The following HERC3 variants were observed in gnomAD, a reference collection of about 807,000 sequenced individuals.
The protein encoded by HERC3 is probable E3 ubiquitin-protein ligase HERC3.
In HERC3, 58 loss-of-function variants were observed where a neutral mutation model predicts 129.9. The observed-to-expected ratio is 0.45, with a 90% confidence interval of 0.36 to 0.56. The LOEUF (loss-of-function observed/expected upper bound fraction) is 0.56. HERC3 is among the 20% of genes least tolerant of loss of function. The probability of loss-of-function intolerance (pLI) is 0.00; values close to 1 mark genes in which losing one functional copy is unlikely to be tolerated. For synonymous variants in HERC3, 430 were observed against 451.0 expected, an observed-to-expected ratio of 0.95 and a Z score of 0.59; for missense variants, 835 against 1,244.2, an observed-to-expected ratio of 0.67 and a Z score of 4.95.
At chr4:88,695,489 T>C (rs1393113525) in intron 23 of HERC3, among the ~76,000 whole-genome samples, 1 of 152,200 alleles carries the variant, frequency 6.6e-6, no homozygotes, top group Non-Finnish European at 1.5e-5. Context: ...CCTGATATTA[T>C]ATTGAGGAAA....
chr4:88,678,054 G>A lies in HERC3; in HGVS notation c.2116G>A (p.Val706Ile), dbSNP rs1005739636. The A allele has an allele frequency of 8.1e-6, 13 of 1,613,854 alleles. No homozygotes were observed. Among genetic ancestry groups the A allele is most frequent in the East Asian group, 2.2e-5 (1 of 44,894 alleles). ...LARSPFLVLH[V>I]RRNNLVGDAL... ...CAGAAGCCCCTTCCTGGTCCTTCAC[G>A]TTCGCAGGAACAACCTTGTTGGAGA... The change falls in exon 19 of 26, where the codon GTT (valine) becomes ATT (isoleucine). Residue 706 changes from valine to isoleucine, a missense_variant. Physicochemically the swap from Val to Ile is conservative, Grantham distance 29. Coordinates refer to ENST00000402738, the MANE Select transcript of HERC3 (RefSeq NM_014606.3).
At chr4:88,545,969 G>T in the HERC3 span, among the ~76,000 whole-genome samples, 1 of 152,076 alleles carries the variant, frequency 6.6e-6, no homozygotes, top group Non-Finnish European at 1.5e-5. Context: ...TTTAAGAAGA[G>T]ACTTCATTGC....
intron 1 of HERC3, chr4:88,593,604 C>T (rs1262027634): frequency 6.6e-6 from 1 of 152,156 alleles, no homozygotes; most frequent in Non-Finnish European, 1.5e-5. Flanking sequence ...CAGAGAAAAG[C>T]CTTCCAGGAT....
chr4:88,627,405 A>C (rs576060133), intron 3 of HERC3, among the ~76,000 whole-genome samples: 17 of 152,162 alleles, frequency 1.1e-4, no homozygotes, highest in Non-Finnish European at 2.2e-4. Flanking sequence ...ACATTATATT[A>C]GGTATTATAA....
At chr4:88,610,001 G>C (rs1337247770) in intron 3 of HERC3, among the ~76,000 whole-genome samples, 2 of 152,140 alleles carry the variant, frequency 1.3e-5, no homozygotes, top group Non-Finnish European at 2.9e-5. Context: ...CTGTCATGGC[G>C]CTGGTGGGAG....
chr4:88,658,519 C>T, intron 10 of HERC3, 28 bp downstream of exon 10: 1 of 1,247,604 alleles, frequency 8.0e-7, no homozygotes, highest in African/African-American at 1.5e-5. Flanking sequence ...ACTCTTATTT[C>T]CAGGAAGGAA....
chr4:88,564,827 G>C, the HERC3 span, among the ~76,000 whole-genome samples: 1 of 151,894 alleles, frequency 6.6e-6, no homozygotes, highest in Admixed American at 6.6e-5. Context: ...TTGTTTATTT[G>C]AAGTTTTTCC....
chr4:88,600,632 T>G (rs568257169), intron 2 of HERC3, among the ~76,000 whole-genome samples: 17 of 152,378 alleles, frequency 1.1e-4, no homozygotes, highest in Admixed American at 1.1e-3. Context: ...ATTTAATTGC[T>G]TTTCCATTGT....
chr4:88,659,609 A>C (rs1027774522), intron 10 of HERC3, among the ~76,000 whole-genome samples: 1 of 152,200 alleles, frequency 6.6e-6, no homozygotes, highest in Admixed American at 6.5e-5. Context: ...CAGAGTGTGT[A>C]TTACAGAGAA....
chr4:88,704,231 A>C lies in HERC3; in HGVS notation c.2791A>C (p.Arg931=), dbSNP rs1475503807. Residue 931 remains arginine (R), a synonymous_variant, in exon 24 of 26, where the codon AGG becomes CGG. Coordinates refer to ENST00000402738, the MANE Select transcript of HERC3 (RefSeq NM_014606.3). The stretch of plus-strand genomic sequence containing the variant: ...TGAGCTCTTCCAGCCTTCAGAACTG[A>C]GGGCTATGATGGTGGGGAACAGCAA... ...VLELFQPSEL[R]AMMVGNSNYN... is the part of the protein sequence containing the mutation. 1 of 1,613,984 alleles carries C rather than the reference A, an allele frequency of 6.2e-7. No individual in the cohort carries two copies. Among genetic ancestry groups the C allele is most frequent in the East Asian group, 2.2e-5 (1 of 44,882 alleles).
Position 88,704,568 on chromosome 4 carries a change from A to G in HERC3, c.2902A>G (p.Thr968Ala), listed in dbSNP as rs1735612188. 2 of 1,610,562 alleles carry G rather than the reference A, an allele frequency of 1.2e-6. No individual in the cohort carries two copies. Among genetic ancestry groups the G allele is most frequent in the Non-Finnish European group, 1.7e-6 (2 of 1,176,708 alleles). Residue 968 changes from threonine to alanine, a missense_variant, in exon 25 of 26, where the codon ACA (threonine) becomes GCA (alanine). Physicochemically the swap from Thr to Ala is moderately conservative, Grantham distance 58. Coordinates refer to ENST00000402738, the MANE Select transcript of HERC3 (RefSeq NM_014606.3). ...TCCCACTGTAAAACTATTTTGGGAAACATTTCATGAGTTTCCATTGGAAAA... is the reference window on the plus strand; with the variant it reads ...TCCCACTGTAAAACTATTTTGGGAAGCATTTCATGAGTTTCCATTGGAAAA... ...THPTVKLFWE[T>A]FHEFPLEKKK...
rs888293695 is a variant in HERC3 at position 88,691,124 on chromosome 4, G to A, written c.2657+3825G>A. ...TAAACATGAAAGGTGCTCTGTAAAG[G>A]GATGGAAAAATCTGAGTTGTCGTTT... On this transcript the variant is annotated intron_variant, in intron 23 of 25. Coordinates refer to ENST00000402738, the MANE Select transcript of HERC3 (RefSeq NM_014606.3). Among the ~76,000 whole-genome samples the A allele has an allele frequency of 1.5e-4, 23 of 152,092 alleles. 1 individual carries two copies. Among genetic ancestry groups the A allele is most frequent in the Admixed American group, 1.5e-3 (23 of 15,266 alleles).
At chr4:88,646,423 A>G (rs1728696431) in intron 3 of HERC3, among the ~76,000 whole-genome samples, 1 of 152,186 alleles carries the variant, frequency 6.6e-6, no homozygotes, top group Non-Finnish European at 1.5e-5. Context: ...AACTACCATG[A>G]CTTGTTCAGA....
At chr4:88,631,803 A>G (rs569288911) in intron 3 of HERC3, among the ~76,000 whole-genome samples, 1 of 152,280 alleles carries the variant, frequency 6.6e-6, no homozygotes, top group African/African-American at 2.4e-5. Flanking sequence ...AGGGAGAAAA[A>G]AGTCTTATTT....
At chr4:88,650,200 G>C (rs1313203515) in intron 4 of HERC3, among the ~76,000 whole-genome samples, 1 of 152,104 alleles carries the variant, frequency 6.6e-6, no homozygotes, top group Admixed American at 6.6e-5. Flanking sequence ...AATGTGAGTC[G>C]GTTGGGAACT....
intron 3 of HERC3, among the ~76,000 whole-genome samples, chr4:88,632,908 A>G (rs796557327): frequency 2.2e-4 from 34 of 152,336 alleles, no homozygotes; most frequent in African/African-American, 7.7e-4. Context: ...CCCAAGCAAG[A>G]TAAACCCAAA....
Position 88,628,952 on chromosome 4 carries a change from T to C in HERC3, c.227-20888T>C, listed in dbSNP as rs187216324. On this transcript the variant is annotated intron_variant, in intron 3 of 25. Coordinates refer to ENST00000402738, the MANE Select transcript of HERC3 (RefSeq NM_014606.3). ...GACTTGGGAGGCCGAGGCGGTTGCA[T>C]TGCTTGAGGCCAGGAATTTGAGATC... Among the ~76,000 whole-genome samples the C allele has an allele frequency of 1.4e-3, 215 of 152,260 alleles. 1 individual carries two copies. The highest frequency in any genetic ancestry group is 5.0e-3 in the African/African-American group (207 of 41,552).
At chr4:88,542,688 A>G in the HERC3 span, among the ~76,000 whole-genome samples, 2 of 152,248 alleles carry the variant, frequency 1.3e-5, no homozygotes, top group African/African-American at 4.8e-5. Context: ...AAAATCCTCA[A>G]TAAAATACTG....
In HERC3 at chr4:88,654,142, C is replaced by T; in HGVS notation, c.777+9C>T. ...CAGCAGTTCTCACAAAGGTAAGGAGCTCAGAGTATTTTACTTTGGTGCTGG... is the reference window on the plus strand; with the variant it reads ...CAGCAGTTCTCACAAAGGTAAGGAGTTCAGAGTATTTTACTTTGGTGCTGG... On this transcript the variant is annotated intron_variant, in intron 7 of 25. Transcript: ENST00000402738. 1 of 1,597,758 alleles carries T rather than the reference C, an allele frequency of 6.3e-7. No homozygotes were observed. Among genetic ancestry groups the T allele is most frequent in the Non-Finnish European group, 8.6e-7 (1 of 1,165,798 alleles).
Sources: allele counts gnomAD v4.1 joint callset (sites outside exome capture counted in the v4.1 genomes callset), GRCh38; gene constraint gnomAD v4.1.1; transcripts MANE v1.5; gene names NCBI Gene and HGNC (gene_info 2026-07-23, HGNC 2026-07-21).